PTPN1: variants seen among roughly 807,000 people sequenced by gnomAD.
PTPN1 encodes tyrosine-protein phosphatase non-receptor type 1.
In PTPN1, 12 loss-of-function variants were observed where a neutral mutation model predicts 59.9. The ratio of observed to expected loss-of-function variants is 0.20; its 90% CI spans 0.13 to 0.32. The LOEUF is 0.32. PTPN1 is among the 10% of genes least tolerant of loss of function. PTPN1 has a pLI of 1.00. For synonymous variants in PTPN1, 178 were observed against 203.6 expected (o/e 0.87, Z 1.07); for missense variants, 356 against 549.2 (o/e 0.65, Z 3.52).
At chr20:50,581,113 A>T (rs1429226313) in intron 8 of PTPN1, 152 bp from the exon 9 acceptor site, 4 of 1,340,896 alleles carry the variant, frequency 3.0e-6, no homozygotes, top group Non-Finnish European at 3.9e-6. Context: ...CCTCCCTCCA[A>T]GCAGAGGGGG....
chr20:50,567,676 C>T (rs936220453), intron 3 of PTPN1, among the ~76,000 whole-genome samples: 2 of 152,150 alleles, frequency 1.3e-5, no homozygotes, highest in Non-Finnish European at 1.5e-5. Flanking sequence ...CCCTCATGCC[C>T]CAGTGACTCT....
intron 1 of PTPN1, among the ~76,000 whole-genome samples, chr20:50,527,940 G>A (rs1215932506): frequency 6.6e-6 from 1 of 151,900 alleles, no homozygotes; most frequent in African/African-American, 2.4e-5. Flanking sequence ...TGTTCTTTTT[G>A]AGCCATCTCA....
chr20:50,514,224 A>G (rs2082519261), intron 1 of PTPN1, among the ~76,000 whole-genome samples: 1 of 152,230 alleles, frequency 6.6e-6, no homozygotes, highest in Admixed American at 6.5e-5. Context: ...GGATAATGGT[A>G]ATGCCGCTGT....
chr20:50,550,978 G>A (rs2082699823), intron 1 of PTPN1, among the ~76,000 whole-genome samples: 1 of 152,212 alleles, frequency 6.6e-6, no homozygotes, highest in African/African-American at 2.4e-5. Context: ...AGGATAAACT[G>A]GCTTTTATGC....
At chr20:50,552,659 A>C (rs1228221495) in intron 1 of PTPN1, among the ~76,000 whole-genome samples, 3 of 149,172 alleles carry the variant, frequency 2.0e-5, no homozygotes, top group Non-Finnish European at 3.0e-5. Context: ...ATATAATGAG[A>C]CCTCATCTCT....
At position 50,568,728 on chromosome 20, in the gene PTPN1, G is replaced by A. The variant is rs531300763; in HGVS notation, c.354+250G>A. On this transcript the variant is annotated intron_variant, in intron 4 of 9. Coordinates refer to ENST00000371621, the MANE Select transcript of PTPN1 (RefSeq NM_002827.4). The surrounding 1 kb of genome is among the most constrained non-coding windows in gnomAD (Gnocchi z 5.6). ...GCCCCCGCCTTCTCCTGTGTGGTGC[G>A]TGTGGCGCTCCGCCCACCTGTGCTG... 2.6e-5 allele frequency among the ~76,000 whole-genome samples: 4 copies of A among 152,224 alleles called. No homozygotes were observed. Among genetic ancestry groups the A allele is most frequent in the Admixed American group, 6.5e-5 (1 of 15,288 alleles).
At chr20:50,530,197 T>A (rs2082594671) in intron 1 of PTPN1, among the ~76,000 whole-genome samples, 1 of 146,188 alleles carries the variant, frequency 6.8e-6, no homozygotes, top group African/African-American at 2.5e-5. Flanking sequence ...TTTTTTTTTT[T>A]AGGTTTGTTT....
chr20:50,575,843 C>T (rs1393518911), intron 5 of PTPN1, among the ~76,000 whole-genome samples: 1 of 152,188 alleles, frequency 6.6e-6, no homozygotes, highest in Non-Finnish European at 1.5e-5. Context: ...AGGAGGATTG[C>T]TTGTGCCCGG....
At chr20:50,578,650 G>A (rs1410208574) in intron 6 of PTPN1, 21 bp downstream of exon 6, 3 of 1,603,140 alleles carry the variant, frequency 1.9e-6, no homozygotes, top group Non-Finnish European at 2.6e-6. Context: ...CCTCGCGGGT[G>A]CCCTGGGGAG....
Position 50,568,204 on chromosome 20 carries a change from G to T in PTPN1, c.256-176G>T, listed in dbSNP as rs1451050498. Among the ~76,000 whole-genome samples, 1 of 152,242 alleles carries T rather than the reference G, an allele frequency of 6.6e-6. No individual in the cohort carries two copies. The highest frequency in any genetic ancestry group is 1.5e-5 in the Non-Finnish European group (1 of 68,050). On this transcript the variant is annotated intron_variant, in intron 3 of 9. Coordinates refer to ENST00000371621, the MANE Select transcript of PTPN1 (RefSeq NM_002827.4). The surrounding 1 kb of genome is among the most constrained non-coding windows in gnomAD (Gnocchi z 5.6). ...CTTTCGCTGCCTGGTAGAAAATGGA[G>T]CTGCAGTTACTGACCACCAGGCAGA...
chr20:50,510,986 C>T (rs533711763), intron 1 of PTPN1, among the ~76,000 whole-genome samples: 1 of 152,222 alleles, frequency 6.6e-6, no homozygotes, highest in South Asian at 2.1e-4. Context: ...AGACTCTCTT[C>T]CTTTGTCTCC....
intron 1 of PTPN1, among the ~76,000 whole-genome samples, chr20:50,534,223 C>T (rs900364567): frequency 1.3e-5 from 2 of 152,144 alleles, no homozygotes; most frequent in Non-Finnish European, 2.9e-5. Context: ...TGCACCCGGC[C>T]GAAGCTGTCA....
intron 5 of PTPN1, chr20:50,574,954 C>T (rs1336011926): frequency 1.6e-5 from 5 of 313,304 alleles, no homozygotes; most frequent in Admixed American, 1.1e-4. Flanking sequence ...GGGACTGGAG[C>T]GGCAGCCTGC....
rs1230084781 is a variant in PTPN1, at chr20:50,581,342, A to G, written c.1166A>G (p.Lys389Arg). The G allele has an allele frequency of 4.6e-5, 74 of 1,613,924 alleles. 1 individual carries two copies. In the Admixed American group the frequency reaches 1.2e-3, roughly 26 times the overall value. ...LRGAQAASPAKGEPSLPEKDE... is the reference protein window; with the variant it reads ...LRGAQAASPARGEPSLPEKDE... ...GGTGCCCAGGCTGCCTCCCCAGCCAAAGGGGAGCCGTCACTGCCCGAGAAG... is the reference window on the plus strand; with the variant it reads ...GGTGCCCAGGCTGCCTCCCCAGCCAGAGGGGAGCCGTCACTGCCCGAGAAG... Residue 389 changes from lysine (K) to arginine (R), a missense_variant, in exon 9 of 10, where the codon AAA (lysine) becomes AGA (arginine). By Grantham distance (26) the Lys-to-Arg change is conservative. Coordinates refer to ENST00000371621, the MANE Select transcript of PTPN1 (RefSeq NM_002827.4).
Position 50,584,682 on chromosome 20 carries a change from G to C in PTPN1, c.*1967G>C, listed in dbSNP as rs1385025909. The C allele has an allele frequency of 6.6e-6, 1 of 152,158 alleles. No homozygotes were observed. The highest frequency in any genetic ancestry group is 2.1e-4 in the South Asian group (1 of 4,820). The allele number at this position is 152,158 out of a possible 1,614,324, so 9.4% of individuals were successfully genotyped here. A position where few individuals can be genotyped will look rare whatever the true frequency, so the allele number is the denominator to read the frequency against. On this transcript the variant is annotated 3_prime_UTR_variant, in exon 10 of 10. Coordinates refer to ENST00000371621, the MANE Select transcript of PTPN1 (RefSeq NM_002827.4). ...TGTGACCTCACAGAACTGTCAGACT[G>C]TACAGTTTTCCAACTTGCCATATTC...
At chr20:50,536,994 G>A (rs180990980) in intron 1 of PTPN1, among the ~76,000 whole-genome samples, 286 of 152,244 alleles carry the variant, frequency 1.9e-3, no homozygotes, top group African/African-American at 6.7e-3. Context: ...AGTTAAAATT[G>A]TTGTTGACAT....
In PTPN1 at chr20:50,565,079, T is replaced by C. The variant is rs1206538758; in HGVS notation, c.255+10T>C. Reference sequence around the variant, plus strand: ...TTACATTCTTACCCAGGTAAGCAGATTGTCTGAATTTTCTATTTAATGTCA... The same window carrying C: ...TTACATTCTTACCCAGGTAAGCAGACTGTCTGAATTTTCTATTTAATGTCA... On this transcript the variant is annotated intron_variant, in intron 3 of 9. Coordinates refer to ENST00000371621, the MANE Select transcript of PTPN1 (RefSeq NM_002827.4). The C allele has an allele frequency of 1.6e-5, 25 of 1,602,468 alleles. No homozygotes were observed. The highest frequency in any genetic ancestry group is 2.0e-5 in the Non-Finnish European group (24 of 1,176,808).
At chr20:50,575,427 G>T (rs928841350) in intron 5 of PTPN1, among the ~76,000 whole-genome samples, 3 of 152,162 alleles carry the variant, frequency 2.0e-5, no homozygotes, top group Non-Finnish European at 4.4e-5. Flanking sequence ...GAGGGTTCTG[G>T]GAGGTCCTAT....
At chr20:50,579,070 C>T in intron 6 of PTPN1, 98 bp from the exon 7 acceptor site, 20 of 1,353,950 alleles carry the variant, frequency 1.5e-5, no homozygotes, top group Non-Finnish European at 2.1e-5. Context: ...GATCACATTT[C>T]AGCATGAGAT....
Sources: allele counts gnomAD v4.1 joint callset (sites outside exome capture counted in the v4.1 genomes callset), GRCh38; gene constraint gnomAD v4.1.1; non-coding constraint Gnocchi (gnomAD v3.1); transcripts MANE v1.5; gene names NCBI Gene and HGNC (gene_info 2026-07-23, HGNC 2026-07-21).